Variants in EXOC2 observed in about 807,000 individuals in gnomAD.
The protein encoded by EXOC2 is SEC5-like 1.
A neutral mutation model predicts 131.8 loss-of-function variants in EXOC2; 70 were observed. That is an observed-to-expected ratio of 0.53 (90% CI 0.44 to 0.65). The LOEUF (loss-of-function observed/expected upper bound fraction) is 0.65, where lower values mean the gene tolerates loss of function less well. Among genes scored for constraint, EXOC2 ranks in the 30% least tolerant of loss-of-function variants. The pLI is 0.00. For synonymous variants in EXOC2, 411 were observed against 398.4 expected (o/e 1.03, Z -0.38); for missense variants, 923 against 1,108.6 (o/e 0.83, Z 2.38).
chr6:662,216 A>G (rs932166842), intron 1 of EXOC2, among the ~76,000 whole-genome samples: 1 of 152,204 alleles, frequency 6.6e-6, no homozygotes, highest in African/African-American at 2.4e-5. Flanking sequence ...GGGGACTTCA[A>G]TACTCCACTG....
intron 17 of EXOC2, 70 bp downstream of exon 17, chr6:562,714 T>C: frequency 9.2e-7 from 1 of 1,081,432 alleles, no homozygotes; most frequent in Non-Finnish European, 1.3e-6. Context: ...ACATGCTCCC[T>C]ATTAATATGA....
Position 549,232 on chromosome 6 carries a change from T to C in EXOC2, c.2181A>G (p.Leu727=), listed in dbSNP as rs1291400376. The C allele has an allele frequency of 6.2e-7, 1 of 1,614,214 alleles. No individual in the cohort carries two copies. The highest frequency in any genetic ancestry group is 1.1e-5 in the South Asian group (1 of 91,082). Reference sequence around the variant, plus strand: ...GCTTTTCAAAATGTTCTGCGATATTTAGGAAGGTGTGACGTTCTAGATAGC... The same window carrying C: ...GCTTTTCAAAATGTTCTGCGATATTCAGGAAGGTGTGACGTTCTAGATAGC... The part of the protein sequence containing the change: ...NCCYLERHTF[L]NIAEHFEKHN... Residue 727 remains leucine, a synonymous_variant, in exon 22 of 28, where the codon CTA becomes CTG. Coordinates refer to ENST00000230449, the MANE Select transcript of EXOC2 (RefSeq NM_018303.6).
At chr6:553,464 G>A (rs1414345255) in intron 21 of EXOC2, among the ~76,000 whole-genome samples, 2 of 151,628 alleles carry the variant, frequency 1.3e-5, no homozygotes, top group Non-Finnish European at 2.9e-5. Flanking sequence ...GGAACTTATA[G>A]AAATAAAACA....
chr6:550,682 G>A (rs3799299), intron 21 of EXOC2, among the ~76,000 whole-genome samples: 96 of 152,312 alleles, frequency 6.3e-4, no homozygotes, highest in East Asian at 4.4e-3. Context: ...GTGAGGGAGG[G>A]ACGAGGACGC....
chr6:591,208 T>A (rs1473851733), intron 11 of EXOC2, among the ~76,000 whole-genome samples: 1 of 152,190 alleles, frequency 6.6e-6, no homozygotes, highest in Non-Finnish European at 1.5e-5. Flanking sequence ...CCACCCACTA[T>A]GGGCGGCCAG....
At chr6:589,221 C>T (rs975982796) in intron 11 of EXOC2, among the ~76,000 whole-genome samples, 6 of 152,088 alleles carry the variant, frequency 3.9e-5, no homozygotes, top group Non-Finnish European at 8.8e-5. Flanking sequence ...AGCACCCGCA[C>T]GGTGTCTGGA....
chr6:596,781 A>C (rs1265012248), intron 10 of EXOC2, among the ~76,000 whole-genome samples: 1 of 152,194 alleles, frequency 6.6e-6, no homozygotes, highest in Admixed American at 6.5e-5. Flanking sequence ...AAGTGGAAAA[A>C]CCATTAAATT....
Position 657,038 on chromosome 6 carries a change from C to G in EXOC2, c.-43-19177G>C, listed in dbSNP as rs986162279. On this transcript the variant is annotated intron_variant, in intron 1 of 27. Coordinates refer to ENST00000230449, the MANE Select transcript of EXOC2 (RefSeq NM_018303.6). ...CTGGGGTCCGTGGCGCTGCCCTCCC[C>G]GCCCTCCCTCCGGCCCCCCAGCTAG... 12 of 1,076,054 alleles carry G rather than the reference C, an allele frequency of 1.1e-5. No homozygotes were observed. The African/African-American group carries it at 1.7e-4, about 15-fold the overall frequency. 66.7% of individuals were successfully genotyped at this position (1,076,054 alleles called of 1,614,324 possible).
rs1488371705 is a variant in EXOC2 at position 506,034 on chromosome 6, G to C, written c.2381-6334C>G. Among the ~76,000 whole-genome samples, 1 of 152,212 alleles carries C rather than the reference G, an allele frequency of 6.6e-6. No homozygotes were observed. The highest frequency in any genetic ancestry group is 1.5e-5 in the Non-Finnish European group (1 of 68,032). ...AAAAGTAAGTGCCTCGGCATACATG[G>C]AAAGAAGGTATTCCTTGGGAAAGCA... On this transcript the variant is annotated intron_variant, in intron 23 of 27. Transcript: ENST00000230449. The surrounding 1 kb of genome is among the most constrained non-coding windows in gnomAD (Gnocchi z 4.4).
chr6:614,995 T>TA (rs1300489044), intron 6 of EXOC2, among the ~76,000 whole-genome samples: 3 of 152,066 alleles, frequency 2.0e-5, no homozygotes, highest in East Asian at 1.9e-4. Context: ...GAATCAATGT[T>TA]AAAAAAATCA....
chr6:587,388 G>A (rs1759268424), intron 11 of EXOC2, among the ~76,000 whole-genome samples: 1 of 152,102 alleles, frequency 6.6e-6, no homozygotes, highest in African/African-American at 2.4e-5. Flanking sequence ...GGGACTACAG[G>A]CAAATGCCAC....
intron 25 of EXOC2, among the ~76,000 whole-genome samples, chr6:494,442 T>A (rs1375907900): frequency 1.2e-4 from 2 of 17,056 alleles, no homozygotes; most frequent in Non-Finnish European, 1.0e-3. Flanking sequence ...TTTGCACCCG[T>A]TTTTTTTTTT....
chr6:555,018 C>CT (rs1757343369), intron 20 of EXOC2, among the ~76,000 whole-genome samples: 1 of 152,052 alleles, frequency 6.6e-6, no homozygotes, highest in South Asian at 2.1e-4. Context: ...CTTCAATTTG[C>CT]TTGATTTGTC....
intron 6 of EXOC2, among the ~76,000 whole-genome samples, chr6:613,709 C>T (rs1330167380): frequency 1.3e-5 from 2 of 152,134 alleles, no homozygotes; most frequent in Non-Finnish European, 2.9e-5. Context: ...AGGAGGCATC[C>T]ACTGCTGGTC....
chr6:544,388 C>T (rs953885652), intron 22 of EXOC2, among the ~76,000 whole-genome samples: 3 of 152,138 alleles, frequency 2.0e-5, no homozygotes, highest in African/African-American at 4.8e-5. Flanking sequence ...GAACAAGAAA[C>T]TCAAGGCAGC....
chr6:545,612 T>C (rs918894246), intron 22 of EXOC2, among the ~76,000 whole-genome samples: 1 of 152,214 alleles, frequency 6.6e-6, no homozygotes, highest in Non-Finnish European at 1.5e-5. Context: ...TATTTTAACC[T>C]ATCGAATTAA....
intron 1 of EXOC2, among the ~76,000 whole-genome samples, chr6:685,393 T>C (rs2127808352): frequency 6.6e-6 from 1 of 152,346 alleles, no homozygotes. Context: ...CAAATCTTTC[T>C]AGAGTCAGGC....
At chr6:606,105 G>A (rs1737551) in intron 7 of EXOC2, among the ~76,000 whole-genome samples, 13,586 of 152,154 alleles carry the variant, frequency 0.089, 1,036 homozygotes, top group African/African-American at 0.21. Flanking sequence ...GGAAGAGTTC[G>A]TGTCCTTCGT....
intron 27 of EXOC2, among the ~76,000 whole-genome samples, chr6:487,696 C>T (rs760758121): frequency 1.2e-4 from 18 of 152,144 alleles, no homozygotes; most frequent in East Asian, 5.8e-4. Context: ...TGAGCCACTG[C>T]GCCCGGCCCA....
Sources: gnomAD v4.1 joint callset for allele counts (sites outside exome capture counted in the v4.1 genomes callset) on GRCh38, gnomAD v4.1.1 for gene constraint, Gnocchi (gnomAD v3.1) non-coding constraint, MANE v1.5 for transcripts, NCBI Gene and HGNC (gene_info 2026-07-23, HGNC 2026-07-21) for gene names.